Variants in NOL4 observed in about 807,000 individuals in gnomAD.
NOL4 encodes nucleolar protein 4.
In NOL4, 17 loss-of-function variants were observed where a neutral mutation model predicts 75.9. That is an observed-to-expected ratio of 0.22 (90% confidence interval 0.15 to 0.34). The LOEUF is 0.34. Ranked by LOEUF, NOL4 falls within the 10% of genes least tolerant of loss-of-function variation. The pLI, the probability that NOL4 is intolerant of heterozygous loss-of-function variation, is 1.00. For synonymous variants in NOL4, 292 were observed against 289.9 expected, an observed-to-expected ratio of 1.01 and a Z score of -0.07; for missense variants, 614 against 793.5, an observed-to-expected ratio of 0.77 and a Z score of 2.72.
intron 8 of NOL4, among the ~76,000 whole-genome samples, chr18:33,943,593 T>C (rs1001288812): frequency 6.6e-6 from 1 of 151,942 alleles, no homozygotes; most frequent in African/African-American, 2.4e-5. Context: ...AAAAACCTAA[T>C]AGACACTCAG....
At chr18:33,989,995 G>A (rs2072797548) in intron 6 of NOL4, among the ~76,000 whole-genome samples, 1 of 152,038 alleles carries the variant, frequency 6.6e-6, no homozygotes, top group African/African-American at 2.4e-5. Flanking sequence ...CTCTGTTCTA[G>A]AGGCTGAGGT....
At chr18:33,991,307 A>G (rs536104917) in intron 6 of NOL4, among the ~76,000 whole-genome samples, 46 of 152,118 alleles carry the variant, frequency 3.0e-4, no homozygotes, top group Middle Eastern at 6.8e-3. Flanking sequence ...GTAAAAATCC[A>G]CCCAACTGAA....
intron 6 of NOL4, among the ~76,000 whole-genome samples, chr18:34,002,652 G>T (rs144966828): frequency 2.0e-5 from 3 of 152,176 alleles, no homozygotes; most frequent in Non-Finnish European, 4.4e-5. Flanking sequence ...GCTCACAGGA[G>T]AGGCTTAATA....
intron 2 of NOL4, among the ~76,000 whole-genome samples, chr18:34,128,036 AT>A (rs2080463423): frequency 6.6e-6 from 1 of 151,916 alleles, no homozygotes; most frequent in South Asian, 2.1e-4. Context: ...TTAATTCAAA[AT>A]TGTGTACACT....
chr18:33,955,532 T>C (rs887532150), intron 8 of NOL4, among the ~76,000 whole-genome samples: 1 of 152,050 alleles, frequency 6.6e-6, no homozygotes, highest in Non-Finnish European at 1.5e-5. Context: ...CCAAGGAAAG[T>C]TGTCTCCACC....
At chr18:33,885,218 G>C (rs2064563861) in intron 9 of NOL4, among the ~76,000 whole-genome samples, 1 of 151,914 alleles carries the variant, frequency 6.6e-6, no homozygotes, top group Non-Finnish European at 1.5e-5. Flanking sequence ...ACTGAAATTG[G>C]TGTATGAACT....
At chr18:34,077,534 C>T (rs1373856478) in intron 5 of NOL4, among the ~76,000 whole-genome samples, 1 of 151,874 alleles carries the variant, frequency 6.6e-6, no homozygotes, top group Non-Finnish European at 1.5e-5. Context: ...ACTTAATTCC[C>T]ACAAAGCACC....
intron 4 of NOL4, among the ~76,000 whole-genome samples, chr18:34,100,395 C>G (rs1247682656): frequency 1.3e-5 from 2 of 152,132 alleles, no homozygotes; most frequent in African/African-American, 2.4e-5. Flanking sequence ...ATAGCAAACT[C>G]TTCAATGGCC....
intron 1 of NOL4, among the ~76,000 whole-genome samples, chr18:34,180,353 T>C (rs2033931162): frequency 6.6e-6 from 1 of 151,500 alleles, no homozygotes; most frequent in Non-Finnish European, 1.5e-5. Flanking sequence ...AAATTAGCAA[T>C]GTAATATCTC....
At chr18:33,970,330 G>A (rs896038040) in intron 6 of NOL4, among the ~76,000 whole-genome samples, 15 of 152,208 alleles carry the variant, frequency 9.9e-5, no homozygotes, top group African/African-American at 3.4e-4. Flanking sequence ...AAACTGGTCA[G>A]TATCTCATCA....
chr18:34,079,299 G>T (rs2077889720), intron 5 of NOL4, among the ~76,000 whole-genome samples: 1 of 151,986 alleles, frequency 6.6e-6, no homozygotes, highest in Admixed American at 6.6e-5. Context: ...TGATGACCAT[G>T]AACTTGTCAA....
chr18:34,184,109 ACT>A (rs2034269155), intron 1 of NOL4, among the ~76,000 whole-genome samples: 1 of 151,868 alleles, frequency 6.6e-6, no homozygotes, highest in African/African-American at 2.4e-5. Context: ...ACACACACAC[ACT>A]CAGAGCTTAA....
chr18:33,936,598 T>G (rs1418091222), intron 9 of NOL4, among the ~76,000 whole-genome samples: 1 of 152,108 alleles, frequency 6.6e-6, no homozygotes, highest in Non-Finnish European at 1.5e-5. Flanking sequence ...TCTTAGCTAC[T>G]GCAAAATCTG....
In NOL4 at chr18:34,126,471, T is replaced by TA. The variant is rs1279404832; in HGVS notation, c.414+3399dup. ...TTGTATGTGTGTATGTGTTTATACA[T>TA]AGATATATGCAGACTGTTTTCTCTA... On this transcript the variant is annotated intron_variant, in intron 2 of 10. Transcript: ENST00000261592. 2.6e-5 allele frequency among the ~76,000 whole-genome samples: 4 copies of TA among 152,160 alleles called. 1 individual carries two copies. The highest frequency in any genetic ancestry group is 2.6e-4 in the Admixed American group (4 of 15,272).
chr18:33,951,887 T>A (rs2069253628), intron 8 of NOL4, among the ~76,000 whole-genome samples: 1 of 152,198 alleles, frequency 6.6e-6, no homozygotes, highest in Non-Finnish European at 1.5e-5. Context: ...TCAGTTTATA[T>A]GCCTATCTAG....
At chr18:33,861,925 A>T (rs900240944) in intron 10 of NOL4, among the ~76,000 whole-genome samples, 9 of 152,160 alleles carry the variant, frequency 5.9e-5, no homozygotes, top group African/African-American at 1.7e-4. Context: ...ACTACTTTCA[A>T]GTTCATATGG....
At chr18:34,053,855 A>C (rs2076726163) in intron 5 of NOL4, among the ~76,000 whole-genome samples, 1 of 151,976 alleles carries the variant, frequency 6.6e-6, no homozygotes, top group Non-Finnish European at 1.5e-5. Flanking sequence ...ATTCTTTCAG[A>C]ATACTCACAT....
At chr18:34,158,395 G>A (rs2030829595) in intron 1 of NOL4, among the ~76,000 whole-genome samples, 1 of 152,036 alleles carries the variant, frequency 6.6e-6, no homozygotes, top group African/African-American at 2.4e-5. Context: ...GTAAGTAGTC[G>A]AATATTTAAT....
At chr18:34,164,012 T>C (rs1352238915) in intron 1 of NOL4, among the ~76,000 whole-genome samples, 1 of 152,162 alleles carries the variant, frequency 6.6e-6, no homozygotes, top group Non-Finnish European at 1.5e-5. Context: ...ATTTAATAAA[T>C]GGTGCTGGGA....
Sources: allele counts gnomAD v4.1 joint callset (sites outside exome capture counted in the v4.1 genomes callset), GRCh38; gene constraint gnomAD v4.1.1; transcripts MANE v1.5; gene names NCBI Gene and HGNC (gene_info 2026-07-23, HGNC 2026-07-21).